Variants in SYNPO2 observed in about 807,000 individuals in gnomAD.
The protein encoded by SYNPO2 is synaptopodin-2.
A neutral mutation model predicts 85.0 loss-of-function variants in SYNPO2; 56 were observed. The observed-to-expected ratio is 0.66, with a 90% CI of 0.53 to 0.82. SYNPO2 has a LOEUF of 0.82. Ranked by LOEUF, SYNPO2 falls within the 40% of genes least tolerant of loss-of-function variation. The pLI, the probability that SYNPO2 is intolerant of heterozygous loss-of-function variation, is 0.00. For synonymous variants in SYNPO2, 602 were observed against 591.1 expected (o/e 1.02, Z -0.27); for missense variants, 1,575 against 1,534.2 (o/e 1.03, Z -0.44).
intron 1 of SYNPO2, among the ~76,000 whole-genome samples, chr4:118,938,301 C>T (rs1019365422): frequency 4.6e-5 from 7 of 151,980 alleles, no homozygotes; most frequent in African/African-American, 9.7e-5. Context: ...GTCTGGCTGA[C>T]GGAGCAAGAT....
chr4:118,949,668 G>A (rs918256947), intron 1 of SYNPO2, among the ~76,000 whole-genome samples: 1 of 151,812 alleles, frequency 6.6e-6, no homozygotes, highest in African/African-American at 2.4e-5. Flanking sequence ...AGAGTCGCTT[G>A]AACCCAGGAA....
rs1739273984 is a variant in SYNPO2 at position 119,058,084 on chromosome 4, G to T, written c.*150G>T. 10 of 667,738 alleles carry T rather than the reference G, an allele frequency of 1.5e-5. No individual in the cohort carries two copies. Among genetic ancestry groups the T allele is most frequent in the Non-Finnish European group, 2.2e-5 (9 of 414,098 alleles). The allele number at this position is 667,738 out of a possible 1,614,324, so 41.4% of individuals were successfully genotyped here. A position where few individuals can be genotyped will look rare whatever the true frequency, so the allele number is the denominator to read the frequency against. On this transcript the variant is annotated 3_prime_UTR_variant, in exon 5 of 5. Coordinates refer to ENST00000307142, the MANE Select transcript of SYNPO2 (RefSeq NM_133477.3). ...TATCTAAGTTTGTGTTTCTGTGTGT[G>T]TGTGTGTGTGTGTATGTATGTGAAT...
intron 4 of SYNPO2, among the ~76,000 whole-genome samples, chr4:119,054,753 A>G (rs1369017297): frequency 2.6e-5 from 4 of 152,192 alleles, no homozygotes; most frequent in African/African-American, 9.7e-5. Flanking sequence ...AGAACCAATC[A>G]GGAGAGAATG....
At chr4:118,890,733 C>CTCTCTCTCTCTGTGTGTGTG (rs749295331) in intron 1 of SYNPO2, among the ~76,000 whole-genome samples, 2 of 126,150 alleles carry the variant, frequency 1.6e-5, no homozygotes, top group Non-Finnish European at 3.3e-5. Context: ...CTCTCTCTCT[C>CTCTCTCTCTCTGTGTGTGTG]TGTGTGTGTG....
At position 119,026,230 on chromosome 4, in the gene SYNPO2, C is replaced by T. The variant is rs1220756305; in HGVS notation, c.258-397C>T. ...GAAGGTGCTGGATATGTTTATGTGA[C>T]TTCATAATGTCTAGACCAAAACTTA... is the stretch of plus-strand genomic sequence containing the variant. On this transcript the variant is annotated intron_variant, in intron 2 of 4. Transcript: ENST00000307142. Among the ~76,000 whole-genome samples the T allele has an allele frequency of 2.6e-5, 4 of 152,288 alleles. No homozygotes were observed. In the East Asian group the frequency reaches 7.7e-4, roughly 29 times the overall value.
Position 119,035,480 on chromosome 4 carries a change from A to G in SYNPO2, c.3252+3453A>G, listed in dbSNP as rs376365967. 26 of 985,348 alleles carry G rather than the reference A, an allele frequency of 2.6e-5. No homozygotes were observed. The African/African-American group carries it at 4.4e-4, about 17-fold the overall frequency. The allele number at this position is 985,348 out of a possible 1,614,324, so 61.0% of individuals were successfully genotyped here. ...AACACAGTTTCTGCATTGGTAGTGT[A>G]AAGCATACCTTGTTAGGAACGTGTT... is the stretch of plus-strand genomic sequence containing the variant. On this transcript the variant is annotated intron_variant, in intron 4 of 4. Transcript: ENST00000307142.
intron 4 of SYNPO2, among the ~76,000 whole-genome samples, chr4:119,040,182 C>T (rs746171788): frequency 1.3e-5 from 2 of 152,154 alleles, no homozygotes; most frequent in Admixed American, 6.5e-5. Context: ...TTCTAAGGGG[C>T]ACTCAATAAA....
chr4:119,020,244 T>G (rs1459056), intron 1 of SYNPO2, among the ~76,000 whole-genome samples: 102,485 of 151,934 alleles, frequency 0.67, 34,603 homozygotes, highest in Middle Eastern at 0.73. Flanking sequence ...GAGGGAAAAA[T>G]ATTTCTTGTT....
chr4:118,863,861 C>A (rs535997978), intron 1 of SYNPO2, among the ~76,000 whole-genome samples: 2 of 152,200 alleles, frequency 1.3e-5, no homozygotes, highest in African/African-American at 4.8e-5. Context: ...CCCGCTTCAG[C>A]CTCCCAAAAT....
At chr4:118,916,666 T>A (rs1733335322) in intron 1 of SYNPO2, among the ~76,000 whole-genome samples, 1 of 151,666 alleles carries the variant, frequency 6.6e-6, no homozygotes, top group Admixed American at 6.6e-5. Flanking sequence ...TAATGCTGTT[T>A]TTGAAGTTTC....
intron 1 of SYNPO2, 57 bp from the exon 2 acceptor site, chr4:119,023,373 G>A (rs960914495): frequency 4.6e-6 from 7 of 1,516,150 alleles, no homozygotes; most frequent in Non-Finnish European, 6.2e-6. Flanking sequence ...AGAGATGGTG[G>A]CTTGCTTTTT....
chr4:118,897,589 G>C lies in SYNPO2; in HGVS notation c.105+8448G>C, dbSNP rs573069249. 2.6e-5 allele frequency among the ~76,000 whole-genome samples: 4 copies of C among 152,194 alleles called. No homozygotes were observed. The South Asian group carries it at 6.2e-4, about 24-fold the overall frequency. On this transcript the variant is annotated intron_variant, in intron 1 of 4. Coordinates refer to ENST00000307142, the MANE Select transcript of SYNPO2 (RefSeq NM_133477.3). ...ATCTTCTGGAGAAAATTTTATTTAAGAAACTCATATATGATGTTTACTAGG... is the reference window on the plus strand; with the variant it reads ...ATCTTCTGGAGAAAATTTTATTTAACAAACTCATATATGATGTTTACTAGG...
chr4:118,942,917 G>A (rs1734364059), intron 1 of SYNPO2, among the ~76,000 whole-genome samples: 1 of 149,754 alleles, frequency 6.7e-6, no homozygotes, highest in South Asian at 2.1e-4. Flanking sequence ...GACCATCCTG[G>A]CCAACATAGT....
chr4:118,920,098 T>C (rs535790614), intron 1 of SYNPO2, among the ~76,000 whole-genome samples: 39 of 152,326 alleles, frequency 2.6e-4, no homozygotes, highest in African/African-American at 9.4e-4. Context: ...ATACCATTGA[T>C]GCAAAATAAT....
intron 4 of SYNPO2, among the ~76,000 whole-genome samples, chr4:119,039,244 C>A (rs1738632113): frequency 6.6e-6 from 1 of 152,066 alleles, no homozygotes; most frequent in African/African-American, 2.4e-5. Flanking sequence ...ACTTAAGGAA[C>A]TTGTGTAACA....
At chr4:118,902,529 G>GC (rs1242043492) in intron 1 of SYNPO2, among the ~76,000 whole-genome samples, 3 of 151,972 alleles carry the variant, frequency 2.0e-5, no homozygotes, top group Non-Finnish European at 4.4e-5. Context: ...GAGGGAAACC[G>GC]CCCCCATGAT....
chr4:118,874,614 T>G (rs1398445256), intron 1 of SYNPO2, among the ~76,000 whole-genome samples: 2 of 152,322 alleles, frequency 1.3e-5, no homozygotes, highest in South Asian at 4.1e-4. Flanking sequence ...GTGGACCTCC[T>G]TGCTGTAAGT....
intron 1 of SYNPO2, among the ~76,000 whole-genome samples, chr4:118,904,639 A>C (rs1732873599): frequency 6.6e-6 from 1 of 150,512 alleles, no homozygotes; most frequent in East Asian, 1.9e-4. Flanking sequence ...CCCCACCTCC[A>C]CCCCCACATG....
At position 119,057,590 on chromosome 4, in the gene SYNPO2, C is replaced by A. The variant is rs780240797; in HGVS notation, c.3442C>A (p.Gln1148Lys). Residue 1148 changes from glutamine (Q) to lysine (K), a missense_variant, in exon 5 of 5, where the codon CAA becomes AAA. This residue lies in a region of SYNPO2 where 1,508 missense variants were observed against 1,446.8 expected (regional missense o/e 1.04). Coordinates refer to ENST00000307142, the MANE Select transcript of SYNPO2 (RefSeq NM_133477.3). ...SPLGLVDDAF[Q>K]PRNIQESIVA... is the part of the protein sequence containing the mutation. Reference sequence around the variant, plus strand: ...TCTCGGTCTAGTGGATGATGCTTTCCAACCCAGAAACATCCAGGAATCCAT... The same window carrying A: ...TCTCGGTCTAGTGGATGATGCTTTCAAACCCAGAAACATCCAGGAATCCAT... 3 of 1,614,080 alleles carry A rather than the reference C, an allele frequency of 1.9e-6. No individual in the cohort carries two copies. The highest frequency in any genetic ancestry group is 2.5e-6 in the Non-Finnish European group (3 of 1,180,028).
Sources: gnomAD v4.1 joint callset for allele counts (sites outside exome capture counted in the v4.1 genomes callset) on GRCh38, gnomAD v4.1.1 for gene constraint, gnomAD v4.1.1 regional missense constraint, MANE v1.5 for transcripts, NCBI Gene and HGNC (gene_info 2026-07-23, HGNC 2026-07-21) for gene names.